Variants in SELPLG observed in about 807,000 individuals in gnomAD.
SELPLG encodes the protein P-selectin glycoprotein ligand 1.
In SELPLG, 2 loss-of-function variants were observed where a neutral mutation model predicts 1.1. The ratio of observed to expected loss-of-function variants is 1.82; its 90% confidence interval spans 0.74 to 5.71. SELPLG has a LOEUF of 5.71. Among genes scored for constraint, SELPLG ranks in the 30% most tolerant of loss-of-function variants. The pLI is 0.05. For synonymous variants in SELPLG, 230 were observed against 221.2 expected, an observed-to-expected ratio of 1.04 and a Z score of -0.35; for missense variants, 478 against 524.7, an observed-to-expected ratio of 0.91 and a Z score of 0.87.
chr12:108,629,663 ACCACTG>A lies in SELPLG; in HGVS notation c.-6+4071_-6+4076del, dbSNP rs547970619. Among the ~76,000 whole-genome samples the A allele has an allele frequency of 5.2e-3, 791 of 152,242 alleles. 4 individuals carry two copies. Among genetic ancestry groups the A allele is most frequent in the Admixed American group, 8.5e-3 (130 of 15,300 alleles). ...CAAGGCTGCAGTGAGCTATGATCGCACCACTGCACTCCAGCCTGGGTGACAGAGTAA... is the reference window on the plus strand; with the variant it reads ...CAAGGCTGCAGTGAGCTATGATCGCACACTCCAGCCTGGGTGACAGAGTAA... On this transcript the variant is annotated intron_variant, in intron 1 of 1. Transcript: ENST00000550948.
chr12:108,622,649 T>C lies in SELPLG; in HGVS notation c.*420A>G. The C allele has an allele frequency of 5.7e-6, 1 of 175,242 alleles. No individual in the cohort carries two copies. The highest frequency in any genetic ancestry group is 1.7e-4 in the South Asian group (1 of 6,040). The allele number at this position is 175,242 out of a possible 1,614,324, so 10.9% of individuals were successfully genotyped here. On this transcript the variant is annotated 3_prime_UTR_variant, in exon 2 of 2. Transcript: ENST00000550948. ...GGTGACCATGGCAACCAAAAGACAA[T>C]GGCAGTGCAGTGCGTGTGGGATGGG...
At chr12:108,630,310 A>C (rs1981757) in intron 1 of SELPLG, among the ~76,000 whole-genome samples, 144,497 of 152,352 alleles carry the variant, frequency 0.95, 68,573 homozygotes, top group African/African-American at 0.98. Flanking sequence ...GCTCCAGAGA[A>C]CCCGCCGTGT....
Position 108,623,831 on chromosome 12 carries a change from C to A in SELPLG, c.477G>T (p.Thr159=). The change falls in exon 2 of 2, where the codon ACG becomes ACT. Residue 159 remains threonine, a synonymous_variant. Coordinates refer to ENST00000550948, the MANE Select transcript of SELPLG (RefSeq NM_003006.4). ...TEAQTTRLTA[T]EAQTTPLAAT... ...CTGCCAGTGGAGTGGTCTGTGCCTC[C>A]GTGGCCGTCAGTCGAGTTGTCTGTG... is the stretch of plus-strand genomic sequence containing the variant. 1 of 1,584,780 alleles carries A rather than the reference C, an allele frequency of 6.3e-7. No homozygotes were observed. Among genetic ancestry groups the A allele is most frequent in the Non-Finnish European group, 8.6e-7 (1 of 1,165,566 alleles).
chr12:108,625,397 CTATTGTGAGGA>C lies in SELPLG; in HGVS notation c.-5-1096_-5-1086del, dbSNP rs535597655. 1.2e-3 allele frequency among the ~76,000 whole-genome samples: 189 copies of C among 152,302 alleles called. 2 individuals are homozygous for C. The highest frequency in any genetic ancestry group is 4.5e-3 in the African/African-American group (185 of 41,550). Reference sequence around the variant, plus strand: ...GGGATGACGGTGCCTACTTCACAGCCTATTGTGAGGATAAAATGAAGGGATGCATGCAAGAC... The same window carrying C: ...GGGATGACGGTGCCTACTTCACAGCCTAAAATGAAGGGATGCATGCAAGAC... On this transcript the variant is annotated intron_variant, in intron 1 of 1. Coordinates refer to ENST00000550948, the MANE Select transcript of SELPLG (RefSeq NM_003006.4).
rs2031884191 is a variant in SELPLG at position 108,623,972 on chromosome 12, C to T, written c.336G>A (p.Leu112=). The change falls in exon 2 of 2, where the codon CTG becomes CTA. Residue 112 remains leucine, a synonymous_variant. Transcript: ENST00000550948. The stretch of plus-strand genomic sequence containing the variant: ...TCTCCATAGCTGCTGAATCCGTGGA[C>T]AGGTTCCCCATGTTGGCCAGCTCCG... ...LTTELANMGN[L]STDSAAMEIQ... is the part of the protein sequence containing the mutation. 2 of 1,614,194 alleles carry T rather than the reference C, an allele frequency of 1.2e-6. No individual in the cohort carries two copies. Among genetic ancestry groups the T allele is most frequent in the Non-Finnish European group, 1.7e-6 (2 of 1,180,026 alleles).
rs2031849264 is a variant in SELPLG, at chr12:108,623,032, G to A, written c.*37C>T. On this transcript the variant is annotated 3_prime_UTR_variant, in exon 2 of 2. Transcript: ENST00000550948. ...TCAGGGGTGGCCCAGGAGAGCCCGT[G>A]GAGGTGGGGTCTTGCCAAAACAGAT... 6 of 1,457,926 alleles carry A rather than the reference G, an allele frequency of 4.1e-6. No homozygotes were observed. Among genetic ancestry groups the A allele is most frequent in the Non-Finnish European group, 5.4e-6 (6 of 1,103,160 alleles). The allele number at this position is 1,457,926 out of a possible 1,614,324, so 90.3% of individuals were successfully genotyped here. A position where few individuals can be genotyped will look rare whatever the true frequency, so the allele number is the denominator to read the frequency against.
At chr12:108,629,772 A>C (rs1402080495) in intron 1 of SELPLG, among the ~76,000 whole-genome samples, 1 of 152,214 alleles carries the variant, frequency 6.6e-6, no homozygotes, top group African/African-American at 2.4e-5. Flanking sequence ...ATCTTGTCTC[A>C]GCTGAGGCCA....
At chr12:108,624,693 CTT>C (rs1162863553) in intron 1 of SELPLG, among the ~76,000 whole-genome samples, 19 of 114,798 alleles carry the variant, frequency 1.7e-4, no homozygotes, top group Admixed American at 5.1e-4. Context: ...CTCCTTTTTT[CTT>C]TTTTTTTTTT....
At position 108,627,048 on chromosome 12, in the gene SELPLG, G is replaced by C. The variant is rs566261829; in HGVS notation, c.-5-2736C>G. On this transcript the variant is annotated intron_variant, in intron 1 of 1. Transcript: ENST00000550948. Reference sequence around the variant, plus strand: ...GAACCTGGGAGCCAGAGGTTGCAGTGAGCCAAGATCACACCACTGCACTCC... The same window carrying C: ...GAACCTGGGAGCCAGAGGTTGCAGTCAGCCAAGATCACACCACTGCACTCC... Among the ~76,000 whole-genome samples, 168 of 152,270 alleles carry C rather than the reference G, an allele frequency of 1.1e-3. 1 individual carries two copies. The highest frequency in any genetic ancestry group is 4.0e-3 in the African/African-American group (165 of 41,558).
At chr12:108,624,573 T>A (rs567058763) in intron 1 of SELPLG, among the ~76,000 whole-genome samples, 12 of 152,360 alleles carry the variant, frequency 7.9e-5, no homozygotes, top group African/African-American at 2.9e-4. Flanking sequence ...GAAATTGATT[T>A]GCCTCCCTCT....
At chr12:108,631,952 C>G in intron 1 of SELPLG, 2 of 1,535,120 alleles carry the variant, frequency 1.3e-6, no homozygotes, top group Non-Finnish European at 1.7e-6. Context: ...CTAGGGTCAC[C>G]ACGAACTCCA....
At chr12:108,630,205 A>C (rs1319611394) in intron 1 of SELPLG, among the ~76,000 whole-genome samples, 1 of 152,156 alleles carries the variant, frequency 6.6e-6, no homozygotes, top group African/African-American at 2.4e-5. Context: ...TTTCGCCCTA[A>C]AACCAGGCTG....
chr12:108,623,361 G>T lies in SELPLG; in HGVS notation c.947C>A (p.Ser316Tyr). The change falls in exon 2 of 2, where the codon TCT becomes TAT. Residue 316 changes from serine to tyrosine, a missense_variant. Transcript: ENST00000550948. ...GATGGCCAGCAGGCACTGCTTCACA[G>T]AGATGTGGTCTGGGGCCCCCACTGG... ...NYPVGAPDHI[S>Y]VKQCLLAILI... 6.2e-7 allele frequency: 1 copy of T among 1,614,288 alleles called. No homozygotes were observed.
chr12:108,630,816 G>C (rs1402072268), intron 1 of SELPLG, among the ~76,000 whole-genome samples: 1 of 152,220 alleles, frequency 6.6e-6, no homozygotes, highest in African/African-American at 2.4e-5. Flanking sequence ...CATTTCTGCT[G>C]TTCATTTATT....
chr12:108,623,073 G>A lies in SELPLG; in HGVS notation c.1235C>T (p.Pro412Leu), dbSNP rs756718079. Residue 412 changes from proline (P) to leucine (L), a missense_variant, in exon 2 of 2, where the codon CCT (proline) becomes CTT (leucine). By Grantham distance (98) the Pro-to-Leu change is moderately conservative. Coordinates refer to ENST00000550948, the MANE Select transcript of SELPLG (RefSeq NM_003006.4). The stretch of plus-strand genomic sequence containing the variant: ...CAAAACAGATGGCAGAGTGAGCTAA[G>A]GGAGGAAGCTGTGCAGGGTGAGGTC... ...GDDLTLHSFL[P>L] 1.3e-6 allele frequency: 2 copies of A among 1,494,714 alleles called. No individual in the cohort carries two copies. Among genetic ancestry groups the A allele is most frequent in the South Asian group, 2.7e-5 (2 of 73,162 alleles). The allele number at this position is 1,494,714 out of a possible 1,614,324, so 92.6% of individuals were successfully genotyped here. A position where few individuals can be genotyped will look rare whatever the true frequency, so the allele number is the denominator to read the frequency against.
chr12:108,627,077 C>A (rs1278507054), intron 1 of SELPLG, among the ~76,000 whole-genome samples: 1 of 151,996 alleles, frequency 6.6e-6, no homozygotes, highest in East Asian at 1.9e-4. Flanking sequence ...GCACTCCAGT[C>A]TGGGAGACAA....
At chr12:108,632,981 A>G (rs1014184585) in intron 1 of SELPLG, among the ~76,000 whole-genome samples, 1 of 152,120 alleles carries the variant, frequency 6.6e-6, no homozygotes, top group Non-Finnish European at 1.5e-5. Context: ...TGCGTCCATA[A>G]CATGCAGCTT....
rs1265623487 is a variant in SELPLG at position 108,624,022 on chromosome 12, C to T, written c.286G>A (p.Gly96Arg). The T allele has an allele frequency of 6.2e-7, 1 of 1,614,244 alleles. No individual in the cohort carries two copies. The highest frequency in any genetic ancestry group is 8.5e-7 in the Non-Finnish European group (1 of 1,180,038). Reference protein sequence around the residue: ...AARRSTGLDAGGAVTELTTEL... With the variant: ...AARRSTGLDARGAVTELTTEL... ...GTGGTCAGCTCTGTGACTGCCCCTC[C>T]TGCATCCAGGCCAGTAGAACGCCTT... Residue 96 changes from glycine (G) to arginine (R), a missense_variant, in exon 2 of 2, where the codon GGA becomes AGA. Coordinates refer to ENST00000550948, the MANE Select transcript of SELPLG (RefSeq NM_003006.4).
At chr12:108,629,349 G>A (rs1213421377) in intron 1 of SELPLG, among the ~76,000 whole-genome samples, 1 of 152,220 alleles carries the variant, frequency 6.6e-6, no homozygotes, top group Non-Finnish European at 1.5e-5. Context: ...CATCCCACTG[G>A]CTTTAAGACA....
Sources: allele counts gnomAD v4.1 joint callset (sites outside exome capture counted in the v4.1 genomes callset), GRCh38; gene constraint gnomAD v4.1.1; transcripts MANE v1.5; gene names NCBI Gene and HGNC (gene_info 2026-07-23, HGNC 2026-07-21).